Variants in GBX1 observed in about 807,000 individuals in gnomAD.
GBX1 encodes homeobox protein GBX-1.
Under a neutral mutation model 22.9 loss-of-function variants are expected in GBX1, and 9 were observed. The ratio of observed to expected loss-of-function variants is 0.39; its 90% CI spans 0.24 to 0.69. The LOEUF is 0.69. Among genes scored for constraint, GBX1 ranks in the 30% least tolerant of loss-of-function variants. The probability of loss-of-function intolerance (pLI) is 0.43; values close to 1 mark genes in which losing one functional copy is unlikely to be tolerated. For synonymous variants in GBX1, 203 were observed against 227.3 expected, an observed-to-expected ratio of 0.89 and a Z score of 0.96; for missense variants, 494 against 509.2, an observed-to-expected ratio of 0.97 and a Z score of 0.29.
rs1801192229 is a variant in GBX1, at chr7:151,161,955, T to A, written c.538+5056A>T. ...CCTAGAGAAGTCATGTGACTTTGAA[T>A]CTCCCACTGTGTCTCAAATATACTA... On this transcript the variant is annotated intron_variant, in intron 1 of 1. Coordinates refer to ENST00000297537, the MANE Select transcript of GBX1 (RefSeq NM_001098834.3). 2.0e-5 allele frequency among the ~76,000 whole-genome samples: 3 copies of A among 152,196 alleles called. No individual in the cohort carries two copies. In the South Asian group the frequency reaches 6.2e-4, roughly 32 times the overall value.
At chr7:151,166,814 A>C (rs964637291) in intron 1 of GBX1, among the ~76,000 whole-genome samples, 197 bp downstream of exon 1, 3 of 152,242 alleles carry the variant, frequency 2.0e-5, no homozygotes, top group Non-Finnish European at 4.4e-5. Flanking sequence ...CTATGGGGAC[A>C]GAGCAGGGCG....
chr7:151,151,257 GTTC>G (rs1489952079), intron 1 of GBX1, among the ~76,000 whole-genome samples: 3 of 152,104 alleles, frequency 2.0e-5, no homozygotes, highest in Non-Finnish European at 4.4e-5. Context: ...AATGGCTTTT[GTTC>G]TTCTTTACTA....
rs71533521 is a variant in GBX1, at chr7:151,164,776, CTTTTTTTTTT to C, written c.538+2225_538+2234del. ...CTCCAAGAACAACACAAATTTCCCTCTTTTTTTTTTTTTTTTTTTTGCTTTCAACATTTTC... is the reference window on the plus strand; with the variant it reads ...CTCCAAGAACAACACAAATTTCCCTCTTTTTTTTTTGCTTTCAACATTTTC... On this transcript the variant is annotated intron_variant, in intron 1 of 1. Coordinates refer to ENST00000297537, the MANE Select transcript of GBX1 (RefSeq NM_001098834.3). Among the ~76,000 whole-genome samples, 7 of 104,406 alleles carry C rather than the reference CTTTTTTTTTT, an allele frequency of 6.7e-5. No homozygotes were observed. The East Asian group carries it at 1.8e-3, about 26-fold the overall frequency. The allele number at this position is 104,406 out of a possible 152,430, so 68.5% of individuals were successfully genotyped here.
At chr7:151,149,409 G>A (rs1051737423) in intron 1 of GBX1, among the ~76,000 whole-genome samples, 3 of 152,146 alleles carry the variant, frequency 2.0e-5, no homozygotes, top group Non-Finnish European at 4.4e-5. Flanking sequence ...AGTGTGGGAG[G>A]CAATAAGTGT....
chr7:151,156,108 A>T (rs1801129988), intron 1 of GBX1, among the ~76,000 whole-genome samples: 1 of 152,034 alleles, frequency 6.6e-6, no homozygotes, highest in Non-Finnish European at 1.5e-5. Flanking sequence ...TTTTAGTCAG[A>T]CTCAGTGGCT....
At chr7:151,150,462 A>G (rs1801064611) in intron 1 of GBX1, among the ~76,000 whole-genome samples, 2 of 152,214 alleles carry the variant, frequency 1.3e-5, no homozygotes, top group Non-Finnish European at 2.9e-5. Context: ...TCGGCCACAT[A>G]TCAGATATGC....
chr7:151,149,254 A>G, intron 1 of GBX1, 112 bp from the exon 2 acceptor site: 2 of 1,004,976 alleles, frequency 2.0e-6, no homozygotes, highest in Non-Finnish European at 1.5e-6. Context: ...CAAGAGCAGG[A>G]AAAAAGAGAG....
intron 1 of GBX1, among the ~76,000 whole-genome samples, chr7:151,154,731 TC>T (rs1255433955): frequency 6.6e-6 from 1 of 152,192 alleles, no homozygotes; most frequent in East Asian, 1.9e-4. Context: ...GCACTCATGC[TC>T]CAGGAGACGT....
At chr7:151,152,871 G>C (rs1444484335) in intron 1 of GBX1, among the ~76,000 whole-genome samples, 1 of 152,166 alleles carries the variant, frequency 6.6e-6, no homozygotes, top group African/African-American at 2.4e-5. Flanking sequence ...TGAGCGGCAG[G>C]GGCAAGAGTT....
At chr7:151,166,118 G>C (rs1167587271) in intron 1 of GBX1, among the ~76,000 whole-genome samples, 1 of 152,158 alleles carries the variant, frequency 6.6e-6, no homozygotes, top group African/African-American at 2.4e-5. Context: ...CCAGAAGAAA[G>C]CTTTTCTGGC....
chr7:151,163,430 T>G (rs1801209177), intron 1 of GBX1, among the ~76,000 whole-genome samples: 1 of 152,154 alleles, frequency 6.6e-6, no homozygotes, highest in East Asian at 1.9e-4. Flanking sequence ...TTCTTAAAAC[T>G]CTCTAGATCC....
At chr7:151,152,222 C>T (rs571035796) in intron 1 of GBX1, among the ~76,000 whole-genome samples, 28 of 152,140 alleles carry the variant, frequency 1.8e-4, no homozygotes, top group Non-Finnish European at 3.7e-4. Flanking sequence ...ATGTGCTCCC[C>T]GTCTTTCTTT....
intron 1 of GBX1, chr7:151,150,060 A>C (rs760265135): frequency 5.0e-6 from 2 of 397,502 alleles, no homozygotes; most frequent in South Asian, 3.5e-5. Flanking sequence ...AAGAGGGAAA[A>C]GTGCAACAGG....
At chr7:151,150,919 A>G (rs1349078752) in intron 1 of GBX1, among the ~76,000 whole-genome samples, 2 of 152,114 alleles carry the variant, frequency 1.3e-5, no homozygotes, top group African/African-American at 4.8e-5. Flanking sequence ...TTTTGTAGAG[A>G]CAGGATCTCA....
chr7:151,159,366 G>A (rs1402483242), intron 1 of GBX1, among the ~76,000 whole-genome samples: 1 of 152,034 alleles, frequency 6.6e-6, no homozygotes, highest in East Asian at 1.9e-4. Flanking sequence ...CTGCACCCAG[G>A]CAGAGACTGA....
intron 1 of GBX1, among the ~76,000 whole-genome samples, chr7:151,159,999 T>C (rs1232711659): frequency 6.6e-6 from 1 of 152,192 alleles, no homozygotes; most frequent in African/African-American, 2.4e-5. Context: ...GCATCTTACC[T>C]TGCTACCTCC....
intron 1 of GBX1, among the ~76,000 whole-genome samples, chr7:151,151,732 C>T (rs1391623812): frequency 1.3e-5 from 2 of 152,230 alleles, no homozygotes; most frequent in Non-Finnish European, 2.9e-5. Flanking sequence ...AATCCTTTCT[C>T]CCTATCTCCC....
intron 1 of GBX1, among the ~76,000 whole-genome samples, chr7:151,164,301 G>T (rs1211725713): frequency 6.6e-6 from 1 of 152,186 alleles, no homozygotes; most frequent in Non-Finnish European, 1.5e-5. Context: ...AGAGAGCTCT[G>T]TCATTTCACT....
At chr7:151,164,591 TCTC>T (rs1447362526) in intron 1 of GBX1, among the ~76,000 whole-genome samples, 2 of 152,176 alleles carry the variant, frequency 1.3e-5, no homozygotes, top group Admixed American at 6.5e-5. Flanking sequence ...TTCTGAAGTC[TCTC>T]CTCCTTACTA....
Sources: allele counts gnomAD v4.1 joint callset (sites outside exome capture counted in the v4.1 genomes callset), GRCh38; gene constraint gnomAD v4.1.1; transcripts MANE v1.5; gene names NCBI Gene and HGNC (gene_info 2026-07-23, HGNC 2026-07-21).